DOCK10: variants seen among roughly 807,000 people sequenced by gnomAD.
DOCK10 encodes the protein dedicator of cytokinesis protein 10.
A neutral mutation model predicts 280.1 loss-of-function variants in DOCK10; 145 were observed. The ratio of observed to expected loss-of-function variants is 0.52; its 90% CI spans 0.45 to 0.59. The LOEUF (loss-of-function observed/expected upper bound fraction) is 0.59, where lower values mean the gene tolerates loss of function less well. DOCK10 is among the 20% of genes least tolerant of loss of function. The pLI, the probability that DOCK10 is intolerant of heterozygous loss-of-function variation, is 0.00. For missense variants in DOCK10, 2,368 were observed against 2,651.7 expected, an observed-to-expected ratio of 0.89 and a Z score of 2.35; for synonymous variants, 915 against 942.2, an observed-to-expected ratio of 0.97 and a Z score of 0.53.
chr2:224,836,473 C>T (rs1207632504), intron 25 of DOCK10, among the ~76,000 whole-genome samples: 2 of 152,124 alleles, frequency 1.3e-5, no homozygotes, highest in South Asian at 2.1e-4. Context: ...AGACAACTAA[C>T]ATTTCTGGCA....
intron 4 of DOCK10, 105 bp downstream of exon 4, chr2:224,896,190 G>T: frequency 1.6e-6 from 1 of 619,720 alleles, no homozygotes; most frequent in Non-Finnish European, 2.6e-6. Context: ...AATGTGCCTT[G>T]ACAGAAGATT....
intron 47 of DOCK10, 124 bp from the exon 48 acceptor site, chr2:224,789,294 G>C (rs1003005568): frequency 1.6e-6 from 1 of 616,812 alleles, no homozygotes; most frequent in Non-Finnish European, 2.9e-6. Flanking sequence ...TCAACAAGAT[G>C]GTTAGATTAT....
chr2:224,975,538 C>A (rs1348783543), intron 1 of DOCK10, among the ~76,000 whole-genome samples: 1 of 152,096 alleles, frequency 6.6e-6, no homozygotes, highest in Non-Finnish European at 1.5e-5. Context: ...AAAGATGAAA[C>A]TGGGCAAAAC....
At chr2:224,967,089 T>C (rs1475396660) in intron 1 of DOCK10, among the ~76,000 whole-genome samples, 1 of 151,730 alleles carries the variant, frequency 6.6e-6, no homozygotes, top group African/African-American at 2.4e-5. Flanking sequence ...AGTCTTTTTT[T>C]TTTTTTTTGA....
chr2:224,831,485 C>T (rs1002663692), intron 26 of DOCK10, among the ~76,000 whole-genome samples: 3 of 152,218 alleles, frequency 2.0e-5, no homozygotes, highest in Admixed American at 6.5e-5. Flanking sequence ...CCCAAGGCTC[C>T]GTCCTGCCCC....
intron 4 of DOCK10, among the ~76,000 whole-genome samples, chr2:224,889,788 A>T (rs1423332971): frequency 6.6e-6 from 1 of 152,230 alleles, no homozygotes; most frequent in Admixed American, 6.5e-5. Flanking sequence ...CTGAACAAGA[A>T]GCAGTCTCTC....
intron 4 of DOCK10, among the ~76,000 whole-genome samples, chr2:224,886,776 A>G (rs1699309776): frequency 6.6e-6 from 1 of 152,092 alleles, no homozygotes. Context: ...TATATATTTG[A>G]GACAGTCTCA....
At chr2:224,905,460 AG>A (rs1276938081) in intron 3 of DOCK10, among the ~76,000 whole-genome samples, 2 of 151,424 alleles carry the variant, frequency 1.3e-5, no homozygotes, top group Non-Finnish European at 2.9e-5. Context: ...CTTGTTAGCC[AG>A]GATGGTCTCG....
chr2:224,775,817 TA>T (rs1048783744), intron 51 of DOCK10, among the ~76,000 whole-genome samples: 2 of 152,196 alleles, frequency 1.3e-5, no homozygotes, highest in Non-Finnish European at 2.9e-5. Flanking sequence ...TGAAAACTTT[TA>T]AAAAATATCT....
chr2:224,900,288 A>C (rs886199802), intron 3 of DOCK10, among the ~76,000 whole-genome samples: 5 of 151,922 alleles, frequency 3.3e-5, no homozygotes, highest in East Asian at 1.9e-4. Context: ...AAAAAAAAAA[A>C]CACAAAACTT....
intron 17 of DOCK10, 45 bp downstream of exon 17, chr2:224,852,890 A>AT: frequency 6.8e-7 from 1 of 1,477,986 alleles, no homozygotes; most frequent in Non-Finnish European, 9.2e-7. Flanking sequence ...TATGGTCTAA[A>AT]TACGGTGAAA....
At chr2:225,008,329 CT>C (rs1323358677) in intron 1 of DOCK10, among the ~76,000 whole-genome samples, 2 of 152,218 alleles carry the variant, frequency 1.3e-5, no homozygotes, top group East Asian at 3.9e-4. Flanking sequence ...TGAGTGAAGA[CT>C]CTTTGTTATG....
At chr2:225,028,950 G>A (rs1689999494) in intron 1 of DOCK10, among the ~76,000 whole-genome samples, 1 of 152,194 alleles carries the variant, frequency 6.6e-6, no homozygotes, top group African/African-American at 2.4e-5. Flanking sequence ...TAAAGGTAGT[G>A]CTCTATTGGG....
In DOCK10 at chr2:224,970,237, A is replaced by AT. The variant is rs1164270162; in HGVS notation, c.124-38570dup. Among the ~76,000 whole-genome samples the AT allele has an allele frequency of 2.0e-5, 3 of 152,150 alleles. No homozygotes were observed. The highest frequency in any genetic ancestry group is 7.2e-5 in the African/African-American group (3 of 41,444). Reference sequence around the variant, plus strand: ...TCTATGATGCAGGTGGGCAGCAGGTATTTTCCTCATTTTACAGATTAAAAA... The same window carrying AT: ...TCTATGATGCAGGTGGGCAGCAGGTATTTTTCCTCATTTTACAGATTAAAAA... On this transcript the variant is annotated intron_variant, in intron 1 of 55. Transcript: ENST00000258390. The surrounding 1 kb of genome is among the most constrained non-coding windows in gnomAD (Gnocchi z 4.6).
intron 29 of DOCK10, 103 bp downstream of exon 29, chr2:224,819,343 T>G (rs1264569638): frequency 2.9e-6 from 2 of 688,602 alleles, no homozygotes; most frequent in East Asian, 5.9e-5. Context: ...AGAAATCACT[T>G]TCTGATACAG....
At chr2:224,946,108 A>G (rs1219039674) in intron 1 of DOCK10, among the ~76,000 whole-genome samples, 2 of 152,212 alleles carry the variant, frequency 1.3e-5, no homozygotes, top group East Asian at 3.9e-4. Context: ...CTTTACATGA[A>G]AGTCACTGAA....
intron 11 of DOCK10, among the ~76,000 whole-genome samples, chr2:224,870,814 C>CCTTTTTT (rs1559614196): frequency 2.0e-4 from 21 of 106,460 alleles, no homozygotes; most frequent in African/African-American, 7.3e-4. Context: ...ATGGCCACTC[C>CCTTTTTT]ATTTTTTTTT....
chr2:224,884,098 C>T (rs1262251311), intron 7 of DOCK10, among the ~76,000 whole-genome samples: 2 of 152,206 alleles, frequency 1.3e-5, no homozygotes, highest in Admixed American at 6.5e-5. Flanking sequence ...GTCATTATTG[C>T]CCTTTCCATA....
intron 1 of DOCK10, among the ~76,000 whole-genome samples, chr2:225,027,205 C>A (rs1392875631): frequency 4.6e-5 from 7 of 152,154 alleles, no homozygotes; most frequent in African/African-American, 1.2e-4. Flanking sequence ...CCTACACAGA[C>A]CTCGCCTGCA....
Sources: gnomAD v4.1 joint callset for allele counts (sites outside exome capture counted in the v4.1 genomes callset) on GRCh38, gnomAD v4.1.1 for gene constraint, Gnocchi (gnomAD v3.1) non-coding constraint, MANE v1.5 for transcripts, NCBI Gene and HGNC (gene_info 2026-07-23, HGNC 2026-07-21) for gene names.